HTR3D: variants seen among roughly 807,000 people sequenced by gnomAD.
The protein encoded by HTR3D is 5-hydroxytryptamine receptor 3D.
HTR3D carries 47 observed loss-of-function variants against 45.8 expected under a neutral mutation model. The observed-to-expected ratio is 1.03, with a 90% confidence interval of 0.81 to 1.31. The LOEUF is 1.31. Among genes scored for constraint, HTR3D ranks in the 50% most tolerant of loss-of-function variants. The pLI, the probability that HTR3D is intolerant of heterozygous loss-of-function variation, is 0.00. For missense variants in HTR3D, 448 were observed against 506.9 expected (o/e 0.88, Z 1.12); for synonymous variants, 203 against 199.8 (o/e 1.02, Z -0.13).
intron 2 of HTR3D, 102 bp downstream of exon 2, chr3:184,035,324 C>A: frequency 2.0e-6 from 2 of 992,330 alleles, no homozygotes; most frequent in South Asian, 1.4e-5. Context: ...CTGAGAATAT[C>A]CATAAATTAG....
Position 184,035,998 on chromosome 3 carries a change from A to G in HTR3D, c.112-17A>G, listed in dbSNP as rs1426809912. ...AGAAGCCACCATGCCCGGCCTTGGC[A>G]CAATCAATTTGTGCAGTGGAACCCA... On this transcript the variant is annotated splice_polypyrimidine_tract_variant and intron_variant, in intron 2 of 7. Coordinates refer to ENST00000428798, the MANE Select transcript of HTR3D (RefSeq NM_001145143.1). 7.7e-6 allele frequency: 12 copies of G among 1,550,452 alleles called. No homozygotes were observed. In the Admixed American group the frequency reaches 9.9e-5, roughly 13 times the overall value.
Position 184,039,291 on chromosome 3 carries a change from T to A in HTR3D, c.*316T>A. 1 of 244,730 alleles carries A rather than the reference T, an allele frequency of 4.1e-6. No homozygotes were observed. Among genetic ancestry groups the A allele is most frequent in the Non-Finnish European group, 7.7e-6 (1 of 129,400 alleles). 15.2% of individuals were successfully genotyped at this position (244,730 alleles called of 1,614,324 possible). On this transcript the variant is annotated 3_prime_UTR_variant, in exon 8 of 8. Coordinates refer to ENST00000428798, the MANE Select transcript of HTR3D (RefSeq NM_001145143.1). ...AAAGTATTGGCTTTTCCCTGAATTC[T>A]GTTATGGTAAAAAAAATCTTGGGAT... is the stretch of plus-strand genomic sequence containing the variant.
At chr3:184,036,634 G>C (rs1382921228) in intron 4 of HTR3D, 90 bp downstream of exon 4, 7 of 1,588,424 alleles carry the variant, frequency 4.4e-6, no homozygotes, top group Non-Finnish European at 6.0e-6. Flanking sequence ...AGGGAATCTT[G>C]CTGAAAAGGG....
At position 184,038,643 on chromosome 3, in the gene HTR3D, C is replaced by T. The variant is rs747883515; in HGVS notation, c.985+19C>T. ...CTGCCCGGTGAGGGAAGTCATACTT[C>T]CTCTTCCCCCACCTCCACTTCTCTG... is the stretch of plus-strand genomic sequence containing the variant. On this transcript the variant is annotated intron_variant, in intron 7 of 7. Transcript: ENST00000428798. The surrounding 1 kb of genome is among the most constrained non-coding windows in gnomAD (Gnocchi z 4.5). 6 of 1,602,062 alleles carry T rather than the reference C, an allele frequency of 3.7e-6. No individual in the cohort carries two copies. In the Admixed American group the frequency reaches 1.0e-4, roughly 28 times the overall value.
rs746141124 is a variant in HTR3D at position 184,038,031 on chromosome 3, G to A, written c.527G>A (p.Arg176Lys). Residue 176 changes from arginine (R) to lysine (K), a missense_variant, in exon 6 of 8, where the codon AGG becomes AAG. Arg to Lys is a conservative substitution (Grantham distance 26). Coordinates refer to ENST00000428798, the MANE Select transcript of HTR3D (RefSeq NM_001145143.1). This position sits in a 1 kb window ranked among gnomAD's most constrained non-coding sequence, Gnocchi z 4.5. ...YEQAIFHVAI[R>K]RRCRPSPYVV... is the part of the protein sequence containing the mutation. Reference sequence around the variant, plus strand: ...TCTCCTCCCCACCAGGTGGCCATCAGGCGCAGGTGCAGGCCCAGCCCCTAC... The same window carrying A: ...TCTCCTCCCCACCAGGTGGCCATCAAGCGCAGGTGCAGGCCCAGCCCCTAC... 1 of 1,613,832 alleles carries A rather than the reference G, an allele frequency of 6.2e-7. No homozygotes were observed. The highest frequency in any genetic ancestry group is 8.5e-7 in the Non-Finnish European group (1 of 1,179,754).
chr3:184,038,835 C>T lies in HTR3D; in HGVS notation c.1075C>T (p.Arg359Trp), dbSNP rs377258381. Residue 359 changes from arginine (R) to tryptophan (W), a missense_variant, in exon 8 of 8, where the codon CGG becomes TGG. Coordinates refer to ENST00000428798, the MANE Select transcript of HTR3D (RefSeq NM_001145143.1). The surrounding 1 kb of genome is among the most constrained non-coding windows in gnomAD (Gnocchi z 4.5). ...TGGSEWTRAQ[R>W]EHEAQKQHSV... ...GGGCTCAGAATGGACAAGGGCCCAG[C>T]GGGAACACGAGGCCCAGAAGCAGCA... 29 of 1,613,924 alleles carry T rather than the reference C, an allele frequency of 1.8e-5. No homozygotes were observed. Among genetic ancestry groups the T allele is most frequent in the African/African-American group, 1.2e-4 (9 of 74,906 alleles).
At position 184,036,462 on chromosome 3, in the gene HTR3D, A is replaced by G. The variant is rs746542411; in HGVS notation, c.285A>G (p.Ala95=). 1 of 1,614,240 alleles carries G rather than the reference A, an allele frequency of 6.2e-7. No individual in the cohort carries two copies. Among genetic ancestry groups the G allele is most frequent in the Non-Finnish European group, 8.5e-7 (1 of 1,180,036 alleles). The change falls in exon 4 of 8, where the codon GCA becomes GCG. Residue 95 remains alanine (A), a synonymous_variant. Coordinates refer to ENST00000428798, the MANE Select transcript of HTR3D (RefSeq NM_001145143.1). ...CAATAAGCCAATGTGGGTGGTCAGC[A>G]TCTGCAAACTGGACACCTTCTATTT... The part of the protein sequence containing the change: ...SNTISQCGWS[A]SANWTPSISP...
chr3:184,035,640 C>T (rs1162508660), intron 2 of HTR3D, among the ~76,000 whole-genome samples: 1 of 152,122 alleles, frequency 6.6e-6, no homozygotes, highest in East Asian at 1.9e-4. Context: ...TAGTTCCTTC[C>T]CCCTGTTTCT....
chr3:184,036,127 T>C (rs1467131015), intron 3 of HTR3D, 27 bp downstream of exon 3: 1 of 1,543,456 alleles, frequency 6.5e-7, no homozygotes, highest in Non-Finnish European at 8.7e-7. Flanking sequence ...AAAAGCAGAA[T>C]GGAAACCACG....
rs1231501445 is a variant in HTR3D at position 184,036,268 on chromosome 3, G to A, written c.198-107G>A. The A allele has an allele frequency of 4.6e-6, 7 of 1,512,088 alleles. No individual in the cohort carries two copies. In the East Asian group the frequency reaches 1.7e-4, roughly 37 times the overall value. 93.7% of individuals were successfully genotyped at this position (1,512,088 alleles called of 1,614,324 possible). On this transcript the variant is annotated intron_variant, in intron 3 of 7. Transcript: ENST00000428798. ...TAGGTAGAAGAGAGCAGTCATCTGAGTGGGGCTGGAGCTCGAGAATGGGAT... is the reference window on the plus strand; with the variant it reads ...TAGGTAGAAGAGAGCAGTCATCTGAATGGGGCTGGAGCTCGAGAATGGGAT...
rs1322597332 is a variant in HTR3D, at chr3:184,038,368, G to T, written c.770-41G>T. On this transcript the variant is annotated intron_variant, in intron 6 of 7. Coordinates refer to ENST00000428798, the MANE Select transcript of HTR3D (RefSeq NM_001145143.1). This position sits in a 1 kb window ranked among gnomAD's most constrained non-coding sequence, Gnocchi z 4.5. The stretch of plus-strand genomic sequence containing the variant: ...TCTGGGAAAGAAACAAGAAATTCTA[G>T]GTGGCGCCTCTGGCCCTCATGCAGA... The T allele has an allele frequency of 2.5e-6, 4 of 1,613,596 alleles. No individual in the cohort carries two copies. Among genetic ancestry groups the T allele is most frequent in the Middle Eastern group, 1.7e-4 (1 of 6,060 alleles).
Position 184,039,184 on chromosome 3 carries a change from C to A in HTR3D, c.*209C>A. The A allele has an allele frequency of 1.8e-6, 1 of 568,456 alleles. No individual in the cohort carries two copies. Among genetic ancestry groups the A allele is most frequent in the Admixed American group, 3.2e-5 (1 of 31,312 alleles). 35.2% of individuals were successfully genotyped at this position (568,456 alleles called of 1,614,324 possible). A position where few individuals can be genotyped will look rare whatever the true frequency, so the allele number is the denominator to read the frequency against. ...TGCATGCCATCAGCCCCACTCAGCC[C>A]TCCCATACCTCCCTGGCTCCTCAGG... On this transcript the variant is annotated 3_prime_UTR_variant, in exon 8 of 8. Transcript: ENST00000428798.
In HTR3D at chr3:184,032,928, G is replaced by C. The variant is rs1431552357; in HGVS notation, c.66+1121G>C. 2.6e-6 allele frequency: 4 copies of C among 1,552,640 alleles called. No individual in the cohort carries two copies. In the East Asian group the frequency reaches 7.3e-5, roughly 28 times the overall value. On this transcript the variant is annotated intron_variant, in intron 1 of 7. Transcript: ENST00000428798. ...GACACTTTGATTATCAATTGCCCAG[G>C]CTTTGGCCAGCACAGGGTGGACCCT...
rs570736117 is a variant in HTR3D at position 184,035,841 on chromosome 3, C to T, written c.112-174C>T. On this transcript the variant is annotated intron_variant, in intron 2 of 7. Coordinates refer to ENST00000428798, the MANE Select transcript of HTR3D (RefSeq NM_001145143.1). ...CTGAGTATCTGGGATTACAGGGGCCCACCACCACACCCAGCTAATTTTTGT... is the reference window on the plus strand; with the variant it reads ...CTGAGTATCTGGGATTACAGGGGCCTACCACCACACCCAGCTAATTTTTGT... 5.2e-6 allele frequency: 3 copies of T among 578,840 alleles called. No individual in the cohort carries two copies. The East Asian group carries it at 9.8e-5, about 19-fold the overall frequency. 35.9% of individuals were successfully genotyped at this position (578,840 alleles called of 1,614,324 possible).
chr3:184,037,761 T>A (rs1211756787), intron 5 of HTR3D, among the ~76,000 whole-genome samples: 4 of 152,070 alleles, frequency 2.6e-5, no homozygotes, highest in African/African-American at 9.7e-5. Context: ...TAAGAGCACG[T>A]CGGTAGGAAT....
At chr3:184,036,997 G>A in intron 5 of HTR3D, 101 bp downstream of exon 5, 1 of 1,171,938 alleles carries the variant, frequency 8.5e-7, no homozygotes, top group East Asian at 2.6e-5. Flanking sequence ...CAAAGTGCTG[G>A]GATTACGGGC....
rs750271863 is a variant in HTR3D, at chr3:184,038,202, T to G, written c.698T>G (p.Leu233Trp). 2.0e-5 allele frequency: 33 copies of G among 1,614,062 alleles called. No homozygotes were observed. The highest frequency in any genetic ancestry group is 2.8e-5 in the Non-Finnish European group (33 of 1,180,018). ...YSVFLLMMND[L>W]LPATSTSSHA... ...GTCTTCCTGCTCATGATGAATGACTTGCTCCCAGCCACTAGCACTTCATCA... is the reference window on the plus strand; with the variant it reads ...GTCTTCCTGCTCATGATGAATGACTGGCTCCCAGCCACTAGCACTTCATCA... The change falls in exon 6 of 8, where the codon TTG (leucine) becomes TGG (tryptophan). Residue 233 changes from leucine (L) to tryptophan (W), a missense_variant. Leu to Trp is a moderately conservative substitution (Grantham distance 61). Transcript: ENST00000428798. This position sits in a 1 kb window ranked among gnomAD's most constrained non-coding sequence, Gnocchi z 4.5.
Position 184,038,464 on chromosome 3 carries a change from C to A in HTR3D, c.825C>A (p.Ile275=), listed in dbSNP as rs776574520. 6.8e-6 allele frequency: 11 copies of A among 1,614,036 alleles called. No individual in the cohort carries two copies. Among genetic ancestry groups the A allele is most frequent in the Middle Eastern group, 1.7e-4 (1 of 6,054 alleles). The change falls in exon 7 of 8, where the codon ATC becomes ATA. Residue 275 remains isoleucine, a synonymous_variant. Coordinates refer to ENST00000428798, the MANE Select transcript of HTR3D (RefSeq NM_001145143.1). The surrounding 1 kb of genome is among the most constrained non-coding windows in gnomAD (Gnocchi z 4.5). ...TGGTGGGCAGCCTGCTGGAGACCAT[C>A]TTCATCACCCACCTGCTGCACGTGG... ...SLMVGSLLET[I]FITHLLHVAT...
In HTR3D at chr3:184,036,466, G is replaced by T; in HGVS notation, c.289G>T (p.Ala97Ser). The T allele has an allele frequency of 1.2e-6, 2 of 1,614,240 alleles. No individual in the cohort carries two copies. Among genetic ancestry groups the T allele is most frequent in the Non-Finnish European group, 8.5e-7 (1 of 1,180,034 alleles). ...AAGCCAATGTGGGTGGTCAGCATCTGCAAACTGGACACCTTCTATTTCCCC... is the reference window on the plus strand; with the variant it reads ...AAGCCAATGTGGGTGGTCAGCATCTTCAAACTGGACACCTTCTATTTCCCC... ...TISQCGWSAS[A>S]NWTPSISPSM... The change falls in exon 4 of 8, where the codon GCA becomes TCA. Residue 97 changes from alanine (A) to serine (S), a missense_variant. Transcript: ENST00000428798.
Sources: allele counts gnomAD v4.1 joint callset (sites outside exome capture counted in the v4.1 genomes callset), GRCh38; gene constraint gnomAD v4.1.1; non-coding constraint Gnocchi (gnomAD v3.1); transcripts MANE v1.5; gene names NCBI Gene and HGNC (gene_info 2026-07-23, HGNC 2026-07-21).